Variants in COL9A3 observed in about 807,000 individuals in gnomAD.
COL9A3 encodes the protein collagen type IX alpha 3 chain.
In COL9A3, 82 loss-of-function variants were observed where a neutral mutation model predicts 110.2. The observed-to-expected ratio is 0.74, with a 90% CI of 0.62 to 0.89. The LOEUF (loss-of-function observed/expected upper bound fraction) is 0.89. COL9A3 is among the 40% of genes least tolerant of loss of function. COL9A3 has a pLI of 0.00. For synonymous variants in COL9A3, 494 were observed against 403.8 expected (o/e 1.22, Z -2.68); for missense variants, 1,066 against 981.3 (o/e 1.09, Z -1.15).
intron 17 of COL9A3, among the ~76,000 whole-genome samples, chr20:62,828,280 ACCTT>A (rs1295182676): frequency 3.3e-5 from 5 of 152,124 alleles, no homozygotes; most frequent in Admixed American, 1.3e-4. Context: ...CCATGCGGGC[ACCTT>A]CCTTCCTGCT....
At chr20:62,833,892 T>TTG (rs1555824802) in intron 26 of COL9A3, among the ~76,000 whole-genome samples, 26,374 of 151,608 alleles carry the variant, frequency 0.17, 2,354 homozygotes, top group African/African-American at 0.19. Flanking sequence ...TTGTTTGTTT[T>TTG]TTTTTGAGAT....
rs1568763723 is a variant in COL9A3, at chr20:62,835,897, AAC to A, written c.1369-18_1369-17del. ...CCCACCCAACAATACACTTAGTTCA[AAC>A]ACACAACTTTTCTCTTCACAGGGTC... On this transcript the variant is annotated intron_variant, in intron 26 of 31. Coordinates refer to ENST00000649368, the MANE Select transcript of COL9A3 (RefSeq NM_001853.4). The A allele has an allele frequency of 2.5e-6, 4 of 1,614,184 alleles. No homozygotes were observed. In the Admixed American group the frequency reaches 5.0e-5, roughly 20 times the overall value.
intron 4 of COL9A3, among the ~76,000 whole-genome samples, chr20:62,819,541 G>A (rs1277937133): frequency 6.6e-6 from 1 of 152,208 alleles, no homozygotes; most frequent in Non-Finnish European, 1.5e-5. Context: ...GTCCAGGAAT[G>A]AGTGCCCATT....
intron 5 of COL9A3, 147 bp downstream of exon 5, chr20:62,820,129 C>T: frequency 6.4e-6 from 6 of 943,462 alleles, no homozygotes; most frequent in South Asian, 5.4e-5. Context: ...GGCAGAAGGG[C>T]AGGGTGCCAA....
rs567312301 is a variant in COL9A3, at chr20:62,823,472, C to G, written c.519+840C>G. 1.6e-3 allele frequency among the ~76,000 whole-genome samples: 240 copies of G among 152,304 alleles called. 1 individual carries two copies. Among genetic ancestry groups the G allele is most frequent in the African/African-American group, 5.1e-3 (210 of 41,570 alleles). On this transcript the variant is annotated intron_variant, in intron 10 of 31. Transcript: ENST00000649368. ...TAGTTTTGAAGGGAAAAGCTCGGCC[C>G]ACTCTGACCTGACCACCGACGCTGT... is the stretch of plus-strand genomic sequence containing the variant.
intron 27 of COL9A3, 88 bp from the exon 28 acceptor site, chr20:62,836,099 G>A (rs980089164): frequency 2.0e-5 from 32 of 1,603,494 alleles, no homozygotes; most frequent in South Asian, 5.5e-5. Context: ...TGGGCAAGAC[G>A]GCTCCGTGCC....
chr20:62,817,414 CG>C, intron 1 of COL9A3, 152 bp from the exon 2 acceptor site: 1 of 596,546 alleles, frequency 1.7e-6, no homozygotes. Flanking sequence ...ACACACTGCG[CG>C]GGGGCGCCGG....
Position 62,840,553 on chromosome 20 carries a change from G to A in COL9A3, c.1876G>A (p.Val626Met), listed in dbSNP as rs146407922. The change falls in exon 32 of 32, where the codon GTG becomes ATG. Residue 626 changes from valine to methionine, a missense_variant. Physicochemically the swap from Val to Met is conservative, Grantham distance 21. Coordinates refer to ENST00000649368, the MANE Select transcript of COL9A3 (RefSeq NM_001853.4). Reference sequence around the variant, plus strand: ...TGCTCTGTCCCAAGGACCCCAAGGCGTGCCCGGCACCAGCAAGGACGGCCA... The same window carrying A: ...TGCTCTGTCCCAAGGACCCCAAGGCATGCCCGGCACCAGCAAGGACGGCCA... ...GDQGPQGPQG[V>M]PGTSKDGQDG... The A allele has an allele frequency of 2.1e-4, 331 of 1,611,928 alleles. 1 individual carries two copies. Among genetic ancestry groups the A allele is most frequent in the Middle Eastern group, 1.8e-3 (9 of 4,894 alleles).
intron 26 of COL9A3, among the ~76,000 whole-genome samples, chr20:62,833,947 T>A (rs1049533162): frequency 9.9e-5 from 15 of 152,034 alleles, no homozygotes; most frequent in Admixed American, 5.2e-4. Context: ...TGACGCCATC[T>A]CGGCTCACTG....
intron 9 of COL9A3, 73 bp from the exon 10 acceptor site, chr20:62,822,514 AGAGT>A: frequency 1.8e-6 from 2 of 1,109,110 alleles, no homozygotes; most frequent in Admixed American, 2.6e-5. Context: ...GGTCCGTCAG[AGAGT>A]GGGTGGGTGG....
At chr20:62,825,974 G>T in intron 13 of COL9A3, 104 bp downstream of exon 13, 2 of 1,342,728 alleles carry the variant, frequency 1.5e-6, no homozygotes, top group Non-Finnish European at 2.1e-6. Flanking sequence ...CGGCTGGGGG[G>T]TGTTTGGCCA....
Position 62,817,900 on chromosome 20 carries a change from G to A in COL9A3, c.147+265G>A, listed in dbSNP as rs1285909613. 12 of 594,126 alleles carry A rather than the reference G, an allele frequency of 2.0e-5. 1 individual carries two copies. Among genetic ancestry groups the A allele is most frequent in the South Asian group, 9.9e-5 (6 of 60,308 alleles). The allele number at this position is 594,126 out of a possible 1,614,324, so 36.8% of individuals were successfully genotyped here. A position where few individuals can be genotyped will look rare whatever the true frequency, so the allele number is the denominator to read the frequency against. On this transcript the variant is annotated intron_variant, in intron 2 of 31. Coordinates refer to ENST00000649368, the MANE Select transcript of COL9A3 (RefSeq NM_001853.4). ...TGTCTCTGGGTCCCCTGAGGGGCCC[G>A]TGCCCCTGTGTTCGGGGTTCTGGCC...
chr20:62,821,002 C>T (rs962348184), intron 5 of COL9A3, among the ~76,000 whole-genome samples, 179 bp from the exon 6 acceptor site: 5 of 152,184 alleles, frequency 3.3e-5, no homozygotes, highest in African/African-American at 9.7e-5. Context: ...CCAGCAGCTC[C>T]CCAGGACGGC....
Position 62,819,085 on chromosome 20 carries a change from G to A in COL9A3, c.184-137G>A, listed in dbSNP as rs1600787434. The A allele has an allele frequency of 3.4e-6, 3 of 889,816 alleles. No individual in the cohort carries two copies. In the South Asian group the frequency reaches 4.2e-5, roughly 12 times the overall value. The allele number at this position is 889,816 out of a possible 1,614,324, so 55.1% of individuals were successfully genotyped here. The stretch of plus-strand genomic sequence containing the variant: ...CCAGCTGAGCCGGGTCTGCCAGACA[G>A]TAGGGGGGACCCAGGAGAGGGGCCC... On this transcript the variant is annotated intron_variant, in intron 3 of 31. Transcript: ENST00000649368.
intron 26 of COL9A3, among the ~76,000 whole-genome samples, chr20:62,834,466 T>C (rs993878552): frequency 6.7e-5 from 10 of 148,232 alleles, no homozygotes; most frequent in African/African-American, 2.6e-4. Flanking sequence ...AGGACGGCCT[T>C]TCTGGCTTTC....
intron 20 of COL9A3, 62 bp downstream of exon 20, chr20:62,829,561 T>TA (rs1568757783): frequency 6.2e-7 from 1 of 1,601,528 alleles, no homozygotes; most frequent in Non-Finnish European, 8.5e-7. Context: ...GGCAAGGGGC[T>TA]GGGGGGCCAG....
chr20:62,840,638 G>A lies in COL9A3; in HGVS notation c.1961G>A (p.Gly654Glu), dbSNP rs1054461173. Reference protein sequence around the residue: ...PGDPGLPGAIGAQGTPGICDT... With the variant: ...PGDPGLPGAIEAQGTPGICDT... ...GATCCTGGGCTTCCAGGTGCCATTGGGGCCCAGGGGACACCGGGGATCTGC... is the reference window on the plus strand; with the variant it reads ...GATCCTGGGCTTCCAGGTGCCATTGAGGCCCAGGGGACACCGGGGATCTGC... Residue 654 changes from glycine (G) to glutamate (E), a missense_variant, in exon 32 of 32, where the codon GGG (glycine) becomes GAG (glutamate). Coordinates refer to ENST00000649368, the MANE Select transcript of COL9A3 (RefSeq NM_001853.4). 1.9e-6 allele frequency: 3 copies of A among 1,611,584 alleles called. No homozygotes were observed. Among genetic ancestry groups the A allele is most frequent in the Non-Finnish European group, 2.5e-6 (3 of 1,179,166 alleles).
At position 62,841,049 on chromosome 20, in the gene COL9A3, A is replaced by G. The variant is rs888003608; in HGVS notation, c.*317A>G. The G allele has an allele frequency of 6.0e-5, 21 of 350,050 alleles. No individual in the cohort carries two copies. The highest frequency in any genetic ancestry group is 1.0e-4 in the Non-Finnish European group (19 of 185,194). 21.7% of individuals were successfully genotyped at this position (350,050 alleles called of 1,614,324 possible). On this transcript the variant is annotated 3_prime_UTR_variant, in exon 32 of 32. Coordinates refer to ENST00000649368, the MANE Select transcript of COL9A3 (RefSeq NM_001853.4). ...TAACTTGTTTACATAGCATTTGTGT[A>G]AAGACTATGATCTCATCCCAATAAA...
At chr20:62,836,760 C>A in intron 29 of COL9A3, 1 of 626,666 alleles carries the variant, frequency 1.6e-6, no homozygotes, top group South Asian at 2.0e-5. Context: ...AGATTCCCAG[C>A]ACGCAGCAGA....
Sources: allele counts gnomAD v4.1 joint callset (sites outside exome capture counted in the v4.1 genomes callset), GRCh38; gene constraint gnomAD v4.1.1; transcripts MANE v1.5; gene names NCBI Gene and HGNC (gene_info 2026-07-23, HGNC 2026-07-21).